Variants in GLMN observed in about 807,000 individuals in gnomAD.
The protein encoded by GLMN is glomulin.
Under a neutral mutation model 87.8 loss-of-function variants are expected in GLMN, and 75 were observed. That is an observed-to-expected ratio of 0.85 (90% CI 0.71 to 1.04). The LOEUF is 1.04. GLMN is among the 50% of genes least tolerant of loss of function. The pLI, the probability that GLMN is intolerant of heterozygous loss-of-function variation, is 0.00. For missense variants in GLMN, 588 were observed against 658.8 expected (o/e 0.89, Z 1.18); for synonymous variants, 206 against 221.6 (o/e 0.93, Z 0.63).
At chr1:92,324,914 C>T in the GLMN span, among the ~76,000 whole-genome samples, 1 of 152,192 alleles carries the variant, frequency 6.6e-6, no homozygotes, top group South Asian at 2.1e-4. Context: ...ATTTGAACAT[C>T]TGTTGTGTCA....
the GLMN span, among the ~76,000 whole-genome samples, chr1:92,355,532 C>CTTTG: frequency 1.3e-5 from 2 of 152,156 alleles, no homozygotes; most frequent in Non-Finnish European, 2.9e-5. Flanking sequence ...AAGTGTTATA[C>CTTTG]TTTGTTAGGT....
At chr1:92,367,236 A>T in the GLMN span, among the ~76,000 whole-genome samples, 1 of 152,310 alleles carries the variant, frequency 6.6e-6, no homozygotes, top group East Asian at 1.9e-4. Context: ...GATTTCCTCA[A>T]ATATAACCGT....
At chr1:92,365,388 A>G in the GLMN span, among the ~76,000 whole-genome samples, 2 of 114,428 alleles carry the variant, frequency 1.7e-5, no homozygotes, top group Non-Finnish European at 3.7e-5. Context: ...TTACATGGGG[A>G]GGTTTTAAAA....
At chr1:92,354,593 G>C in the GLMN span, among the ~76,000 whole-genome samples, 2 of 152,018 alleles carry the variant, frequency 1.3e-5, no homozygotes, top group Non-Finnish European at 2.9e-5. Context: ...TAAACCTAAA[G>C]CATTAAATGC....
the GLMN span, among the ~76,000 whole-genome samples, chr1:92,309,736 G>C: frequency 1.1e-4 from 17 of 152,160 alleles, no homozygotes; most frequent in Admixed American, 1.1e-3. Flanking sequence ...AATTAGCAAG[G>C]TTAGGACATT....
chr1:92,315,037 CTG>C, the GLMN span, among the ~76,000 whole-genome samples: 1 of 151,876 alleles, frequency 6.6e-6, no homozygotes, highest in Non-Finnish European at 1.5e-5. Flanking sequence ...GAGCGAGACT[CTG>C]TCTCAAAATC....
At chr1:92,312,340 A>G in the GLMN span, among the ~76,000 whole-genome samples, 17 of 151,960 alleles carry the variant, frequency 1.1e-4, no homozygotes, top group Admixed American at 1.1e-3. Flanking sequence ...AGATCACTTG[A>G]GCATAGGAGT....
intron 7 of GLMN, among the ~76,000 whole-genome samples, chr1:92,274,428 A>G (rs1012804435): frequency 5.3e-5 from 8 of 152,152 alleles, no homozygotes; most frequent in Non-Finnish European, 8.8e-5. Flanking sequence ...TTTGATGCAG[A>G]TAACATACTG....
intron 16 of GLMN, among the ~76,000 whole-genome samples, chr1:92,258,872 C>A (rs1654621529): frequency 6.6e-6 from 1 of 151,946 alleles, no homozygotes; most frequent in Non-Finnish European, 1.5e-5. Context: ...ACGTTCTGCA[C>A]ATGTATCCCA....
chr1:92,297,949 A>C lies in GLMN; in HGVS notation c.39+12T>G, dbSNP rs2101076318. 1 of 1,280,914 alleles carries C rather than the reference A, an allele frequency of 7.8e-7. No homozygotes were observed. The highest frequency in any genetic ancestry group is 1.1e-6 in the Non-Finnish European group (1 of 877,188). 79.3% of individuals were successfully genotyped at this position (1,280,914 alleles called of 1,614,324 possible). A position where few individuals can be genotyped will look rare whatever the true frequency, so the allele number is the denominator to read the frequency against. On this transcript the variant is annotated intron_variant, in intron 2 of 18. Coordinates refer to ENST00000370360, the MANE Select transcript of GLMN (RefSeq NM_053274.3). The stretch of plus-strand genomic sequence containing the variant: ...TTGAAAGGTATTTAATTTTACAAAA[A>C]TTAATACTTACACATCTCTTTATTA...
upstream of GLMN, among the ~76,000 whole-genome samples, chr1:92,302,371 T>C (rs1650911881): frequency 6.6e-6 from 1 of 151,734 alleles, no homozygotes; most frequent in Non-Finnish European, 1.5e-5. Flanking sequence ...TTACCCTTAG[T>C]CATAGTTCTT....
chr1:92,323,895 T>C, the GLMN span: 5 of 1,614,104 alleles, frequency 3.1e-6, no homozygotes, highest in East Asian at 8.9e-5. Context: ...CAGAAATAAC[T>C]CTAGTAGGCA....
chr1:92,310,663 G>A, the GLMN span, among the ~76,000 whole-genome samples: 11 of 152,218 alleles, frequency 7.2e-5, no homozygotes, highest in South Asian at 1.0e-3. Flanking sequence ...TTGGGAGGCC[G>A]AGACTGGTGG....
intron 7 of GLMN, among the ~76,000 whole-genome samples, chr1:92,277,889 G>A (rs910301744): frequency 6.6e-6 from 1 of 152,090 alleles, no homozygotes; most frequent in African/African-American, 2.4e-5. Flanking sequence ...AACCCAAGGA[G>A]GGGGTCCTGG....
the GLMN span, among the ~76,000 whole-genome samples, chr1:92,322,791 C>T: frequency 0.013 from 1,940 of 151,546 alleles, 22 homozygotes; most frequent in Non-Finnish European, 0.02. Flanking sequence ...GTGGGAGAAT[C>T]GCTTGAACCT....
At chr1:92,248,286 C>T (rs1330715222) in intron 16 of GLMN, 1 of 279,840 alleles carries the variant, frequency 3.6e-6, no homozygotes, top group Non-Finnish European at 6.8e-6. Flanking sequence ...TCACAGACGT[C>T]TCTTCCTCTA....
At chr1:92,305,432 C>CAAAAAAAAAAAAAAA in the GLMN span, among the ~76,000 whole-genome samples, 496 of 52,620 alleles carry the variant, frequency 9.4e-3, 33 homozygotes, top group African/African-American at 0.033. Flanking sequence ...GGCTCCGTCT[C>CAAAAAAAAAAAAAAA]AAAAAAAAAA....
chr1:92,302,760 C>T (rs577270144), upstream of GLMN, among the ~76,000 whole-genome samples: 5 of 151,758 alleles, frequency 3.3e-5, no homozygotes, highest in East Asian at 3.9e-4. Context: ...CCATTACGCC[C>T]GGCTAATTTT....
intron 9 of GLMN, 108 bp from the exon 10 acceptor site, chr1:92,268,243 C>A: frequency 1.5e-6 from 1 of 663,026 alleles, no homozygotes; most frequent in South Asian, 1.8e-5. Flanking sequence ...TTTTAAAATG[C>A]ATATCATTAA....
Sources: gnomAD v4.1 joint callset for allele counts (sites outside exome capture counted in the v4.1 genomes callset) on GRCh38, gnomAD v4.1.1 for gene constraint, MANE v1.5 for transcripts, NCBI Gene and HGNC (gene_info 2026-07-23, HGNC 2026-07-21) for gene names.